Variants in MYO1D observed in about 807,000 individuals in gnomAD.
MYO1D encodes the protein myosin ID.
MYO1D carries 83 observed loss-of-function variants against 122.0 expected under a neutral mutation model. The ratio of observed to expected loss-of-function variants is 0.68; its 90% CI spans 0.57 to 0.82. The LOEUF is 0.82. Among genes scored for constraint, MYO1D ranks in the 40% least tolerant of loss-of-function variants. The pLI, the probability that MYO1D is intolerant of heterozygous loss-of-function variation, is 0.00. For synonymous variants in MYO1D, 464 were observed against 446.9 expected (o/e 1.04, Z -0.48); for missense variants, 1,157 against 1,269.5 (o/e 0.91, Z 1.35).
chr17:32,687,205 T>G (rs1409894040), intron 16 of MYO1D, among the ~76,000 whole-genome samples: 2 of 150,972 alleles, frequency 1.3e-5, no homozygotes, highest in African/African-American at 2.4e-5. Flanking sequence ...ATTTTTTTTT[T>G]TTTTTTTCTG....
intron 20 of MYO1D, among the ~76,000 whole-genome samples, chr17:32,630,551 A>G (rs561769674): frequency 3.6e-3 from 550 of 152,232 alleles, no homozygotes; most frequent in Non-Finnish European, 6.0e-3. Context: ...GGAAGTTTAA[A>G]ATTAAGATGT....
At chr17:32,694,248 G>A (rs548499294) in intron 16 of MYO1D, among the ~76,000 whole-genome samples, 1 of 152,122 alleles carries the variant, frequency 6.6e-6, no homozygotes, top group South Asian at 2.1e-4. Context: ...TTCCTCGCCG[G>A]AGGAGTTTGG....
At chr17:32,547,601 A>G (rs1176791120) in intron 21 of MYO1D, among the ~76,000 whole-genome samples, 2 of 152,242 alleles carry the variant, frequency 1.3e-5, no homozygotes, top group Non-Finnish European at 2.9e-5. Flanking sequence ...CCGCTTCTGC[A>G]GCATCCCAAG....
chr17:32,806,024 C>T (rs2090508328), intron 1 of MYO1D, among the ~76,000 whole-genome samples: 1 of 152,138 alleles, frequency 6.6e-6, no homozygotes, highest in Non-Finnish European at 1.5e-5. Context: ...TTTGGGAGGC[C>T]AAGGTGGGCG....
intron 21 of MYO1D, among the ~76,000 whole-genome samples, chr17:32,596,575 C>T (rs2087495114): frequency 6.6e-6 from 1 of 152,242 alleles, no homozygotes; most frequent in African/African-American, 2.4e-5. Flanking sequence ...CATACACAAA[C>T]TACAACTGAG....
chr17:32,653,537 C>T (rs2729333), intron 19 of MYO1D, among the ~76,000 whole-genome samples: 59,833 of 145,060 alleles, frequency 0.41, 12,769 homozygotes, highest in East Asian at 0.56. Context: ...ACCTGGGAAG[C>T]GGAGGTTGCA....
At position 32,632,494 on chromosome 17, in the gene MYO1D, C is replaced by T. The variant is rs920536789; in HGVS notation, c.2709+6228G>A. On this transcript the variant is annotated intron_variant, in intron 20 of 21. Coordinates refer to ENST00000318217, the MANE Select transcript of MYO1D (RefSeq NM_015194.3). ...CGTGTCATGAGGTATATGCTGCATT[C>T]GTGTATGTGCCCATCTGACTCCTAA... The T allele has an allele frequency of 2.7e-5, 4 of 150,374 alleles. No homozygotes were observed. In the South Asian group the frequency reaches 6.3e-4, roughly 24 times the overall value. The allele number at this position is 150,374 out of a possible 1,614,324, so 9.3% of individuals were successfully genotyped here.
At chr17:32,675,015 T>C (rs976066944) in intron 16 of MYO1D, among the ~76,000 whole-genome samples, 2 of 152,252 alleles carry the variant, frequency 1.3e-5, no homozygotes, top group African/African-American at 4.8e-5. Flanking sequence ...GATAAGACAA[T>C]GTATATTTAT....
At chr17:32,653,707 G>GC in intron 19 of MYO1D, 136 bp downstream of exon 19, 2 of 666,202 alleles carry the variant, frequency 3.0e-6, no homozygotes, top group Non-Finnish European at 2.5e-6. Context: ...CAATGCCTCA[G>GC]CACAGACAGG....
At chr17:32,716,777 C>T (rs2089453394) in intron 15 of MYO1D, among the ~76,000 whole-genome samples, 1 of 152,232 alleles carries the variant, frequency 6.6e-6, no homozygotes, top group African/African-American at 2.4e-5. Flanking sequence ...CCATGGCAGG[C>T]AAGAGGCACT....
chr17:32,778,496 T>C lies in MYO1D; in HGVS notation c.382A>G (p.Arg128Gly). 6.2e-7 allele frequency: 1 copy of C among 1,613,530 alleles called. No homozygotes were observed. The highest frequency in any genetic ancestry group is 8.5e-7 in the Non-Finnish European group (1 of 1,179,428). Residue 128 changes from arginine (R) to glycine (G), a missense_variant, in exon 3 of 22, where the codon AGA becomes GGA. Coordinates refer to ENST00000318217, the MANE Select transcript of MYO1D (RefSeq NM_015194.3). The stretch of plus-strand genomic sequence containing the variant: ...TGCTCTTACCTTTCAACCTCTGCTC[T>C]CTGACTGGGGTTGGTGATGGCCGCA... ...YIAAITNPSQ[R>G]AEVERVKNML...
intron 21 of MYO1D, among the ~76,000 whole-genome samples, chr17:32,588,953 C>T (rs988443233): frequency 1.5e-5 from 2 of 135,614 alleles, no homozygotes; most frequent in African/African-American, 5.9e-5. Context: ...AAAAAACAAA[C>T]AAACAAACAA....
chr17:32,711,616 A>G (rs184486620), intron 16 of MYO1D, among the ~76,000 whole-genome samples: 2 of 151,828 alleles, frequency 1.3e-5, no homozygotes, highest in Non-Finnish European at 2.9e-5. Context: ...ACTGCACTCC[A>G]GCCTAGGTGA....
At chr17:32,672,455 G>A (rs989425027) in intron 16 of MYO1D, among the ~76,000 whole-genome samples, 2 of 152,136 alleles carry the variant, frequency 1.3e-5, no homozygotes, top group Admixed American at 6.5e-5. Context: ...TCATATATAC[G>A]CAGATAATTC....
At chr17:32,799,841 C>G (rs1320758318) in intron 1 of MYO1D, among the ~76,000 whole-genome samples, 1 of 152,070 alleles carries the variant, frequency 6.6e-6, no homozygotes, top group Non-Finnish European at 1.5e-5. Context: ...ACTCAAACTA[C>G]TCAATAATAA....
intron 21 of MYO1D, among the ~76,000 whole-genome samples, chr17:32,524,717 C>G (rs1268364361): frequency 6.6e-6 from 1 of 152,134 alleles, no homozygotes; most frequent in African/African-American, 2.4e-5. Context: ...TGCCCACCAC[C>G]ATGCCTGGCT....
intron 20 of MYO1D, among the ~76,000 whole-genome samples, chr17:32,613,254 C>T (rs1253178895): frequency 1.3e-5 from 2 of 151,948 alleles, no homozygotes. Flanking sequence ...CTTAAATGCT[C>T]TACAATATGG....
At chr17:32,683,705 TTGTC>T (rs1421204476) in intron 16 of MYO1D, among the ~76,000 whole-genome samples, 96 of 151,134 alleles carry the variant, frequency 6.4e-4, no homozygotes, top group Non-Finnish European at 1.2e-3. Context: ...GTCTTTTTGT[TTGTC>T]TGTGCCCTGC....
At chr17:32,807,132 G>A (rs1598114667) in intron 1 of MYO1D, among the ~76,000 whole-genome samples, 1 of 152,000 alleles carries the variant, frequency 6.6e-6, no homozygotes, top group Non-Finnish European at 1.5e-5. Flanking sequence ...ATTTAAACCA[G>A]ATTGGAAAAA....
Sources: allele counts gnomAD v4.1 joint callset (sites outside exome capture counted in the v4.1 genomes callset), GRCh38; gene constraint gnomAD v4.1.1; transcripts MANE v1.5; gene names NCBI Gene and HGNC (gene_info 2026-07-23, HGNC 2026-07-21).